HOXB3: variants seen among roughly 807,000 people sequenced by gnomAD.
HOXB3 encodes homeobox B3.
A neutral mutation model predicts 29.2 loss-of-function variants in HOXB3; 17 were observed. That is an observed-to-expected ratio of 0.58 (90% CI 0.40 to 0.87). The LOEUF is 0.87. Among genes scored for constraint, HOXB3 ranks in the 40% least tolerant of loss-of-function variants. HOXB3 has a pLI of 0.00. For missense variants in HOXB3, 637 were observed against 616.3 expected (o/e 1.03, Z -0.35); for synonymous variants, 317 against 285.9 (o/e 1.11, Z -1.10).
intron 3 of HOXB3, 188 bp downstream of exon 3, chr17:48,555,343 A>AGAGAGAGAGAGAGG: frequency 6.6e-6 from 3 of 455,214 alleles, no homozygotes; most frequent in Admixed American, 3.7e-5. Flanking sequence ...AGGGAGAGAG[A>AGAGAGAGAGAGAGG]GAGAGAGAGA....
intron 2 of HOXB3, among the ~76,000 whole-genome samples, chr17:48,562,697 C>A (rs959916880): frequency 2.0e-5 from 3 of 152,202 alleles, no homozygotes; most frequent in African/African-American, 7.2e-5. Context: ...CGCTTCCTCT[C>A]AGATTTCATT....
intron 1 of HOXB3, chr17:48,579,839 G>C (rs781382847): frequency 4.1e-6 from 2 of 492,258 alleles, no homozygotes; most frequent in South Asian, 1.6e-5. Context: ...GGAAAAATAA[G>C]AGCGGAGTGT....
At chr17:48,574,596 T>C (rs1213865300) in intron 1 of HOXB3, 1 of 152,130 alleles carries the variant, frequency 6.6e-6, no homozygotes, top group African/African-American at 2.4e-5. Flanking sequence ...GCCCCGAGCT[T>C]TTTGGAGATG....
Position 48,550,122 on chromosome 17 carries a change from C to T in HOXB3, c.*212G>A, listed in dbSNP as rs904901725. On this transcript the variant is annotated 3_prime_UTR_variant, in exon 5 of 5. Coordinates refer to ENST00000498678, the MANE Select transcript of HOXB3 (RefSeq NM_001384749.1). Reference sequence around the variant, plus strand: ...CTCCAATATGATGTGGATTCCTTTCCGATGGGTTGGCAGGCAGATGGAACA... The same window carrying T: ...CTCCAATATGATGTGGATTCCTTTCTGATGGGTTGGCAGGCAGATGGAACA... The T allele has an allele frequency of 1.2e-5, 7 of 600,600 alleles. No individual in the cohort carries two copies. Among genetic ancestry groups the T allele is most frequent in the Non-Finnish European group, 1.7e-5 (6 of 345,630 alleles). 37.2% of individuals were successfully genotyped at this position (600,600 alleles called of 1,614,324 possible). A position where few individuals can be genotyped will look rare whatever the true frequency, so the allele number is the denominator to read the frequency against.
intron 3 of HOXB3, 23 bp from the exon 4 acceptor site, chr17:48,552,655 CA>C (rs2068811218): frequency 1.8e-6 from 1 of 554,122 alleles, no homozygotes; most frequent in Middle Eastern, 4.8e-4. Context: ...AGAAGAGACA[CA>C]AGGGGGAGAA....
chr17:48,562,763 A>C (rs2069243081), intron 2 of HOXB3, among the ~76,000 whole-genome samples: 1 of 152,206 alleles, frequency 6.6e-6, no homozygotes, highest in South Asian at 2.1e-4. Flanking sequence ...AGGCGAGGAA[A>C]GATAATTCTG....
At chr17:48,561,742 C>G (rs1045243171) in intron 2 of HOXB3, among the ~76,000 whole-genome samples, 1 of 152,182 alleles carries the variant, frequency 6.6e-6, no homozygotes, top group Non-Finnish European at 1.5e-5. Context: ...TTGGGATAGG[C>G]TTGGGAGTTG....
rs369135932 is a variant in HOXB3, at chr17:48,564,660, A to G, written c.-246-9042T>C. On this transcript the variant is annotated intron_variant, in intron 2 of 4. Coordinates refer to ENST00000498678, the MANE Select transcript of HOXB3 (RefSeq NM_001384749.1). ...AACTGACAGGGGCACGGCGAGGCGTAGGGAGCGCCGGGGGCGCCATGGCGG... is the reference window on the plus strand; with the variant it reads ...AACTGACAGGGGCACGGCGAGGCGTGGGGAGCGCCGGGGGCGCCATGGCGG... Among the ~76,000 whole-genome samples, 625 of 152,348 alleles carry G rather than the reference A, an allele frequency of 4.1e-3. 3 individuals carry two copies. Among genetic ancestry groups the G allele is most frequent in the African/African-American group, 0.014 (592 of 41,572 alleles).
chr17:48,572,080 A>T (rs1008323112), intron 2 of HOXB3, among the ~76,000 whole-genome samples: 4 of 152,130 alleles, frequency 2.6e-5, no homozygotes, highest in Admixed American at 2.6e-4. Context: ...CAGCAAACAG[A>T]ATACAGTTTT....
intron 2 of HOXB3, among the ~76,000 whole-genome samples, chr17:48,568,984 C>T (rs1373801665): frequency 1.3e-5 from 2 of 152,038 alleles, no homozygotes; most frequent in Non-Finnish European, 2.9e-5. Context: ...TACCCCAGCC[C>T]GCGGTGTGGC....
chr17:48,562,478 C>G (rs141721721), intron 2 of HOXB3, among the ~76,000 whole-genome samples: 1 of 152,302 alleles, frequency 6.6e-6, no homozygotes, highest in East Asian at 1.9e-4. Context: ...TCCCTACCCC[C>G]AAAGCTGTGC....
At chr17:48,571,988 G>A (rs1361942288) in intron 2 of HOXB3, among the ~76,000 whole-genome samples, 1 of 152,212 alleles carries the variant, frequency 6.6e-6, no homozygotes, top group Non-Finnish European at 1.5e-5. Context: ...GCCAGCGTCT[G>A]TCTGTATCTG....
At chr17:48,574,160 T>A (rs1035463068) in intron 1 of HOXB3, 146 bp from the exon 2 acceptor site, 61 of 382,016 alleles carry the variant, frequency 1.6e-4, no homozygotes, top group East Asian at 3.4e-4. Flanking sequence ...CTTTTTTTTT[T>A]AAATTCTATT....
Position 48,587,849 on chromosome 17 carries a change from G to A in HOXB3, c.-425+2276C>T, listed in dbSNP as rs538682260. On this transcript the variant is annotated intron_variant, in intron 1 of 4. Coordinates refer to ENST00000498678, the MANE Select transcript of HOXB3 (RefSeq NM_001384749.1). ...AAATCAAAATTGAATTGTCCACCGAGTGGTGGCCAGGCTGGCCTCAGAGGG... is the reference window on the plus strand; with the variant it reads ...AAATCAAAATTGAATTGTCCACCGAATGGTGGCCAGGCTGGCCTCAGAGGG... 2.8e-4 allele frequency among the ~76,000 whole-genome samples: 43 copies of A among 152,384 alleles called. No homozygotes were observed. The South Asian group carries it at 8.7e-3, about 31-fold the overall frequency.
At chr17:48,562,518 G>A (rs1418119159) in intron 2 of HOXB3, among the ~76,000 whole-genome samples, 2 of 152,120 alleles carry the variant, frequency 1.3e-5, no homozygotes, top group Admixed American at 6.5e-5. Flanking sequence ...CTCTGCTCTT[G>A]GGAAATGTGT....
At chr17:48,576,425 T>G (rs1597851002) in intron 1 of HOXB3, 5 of 263,702 alleles carry the variant, frequency 1.9e-5, no homozygotes, top group East Asian at 6.0e-5. Flanking sequence ...CTATTTCTCT[T>G]TCTGTCTTTT....
intron 4 of HOXB3, 95 bp downstream of exon 4, chr17:48,551,932 C>T: frequency 8.4e-7 from 1 of 1,188,950 alleles, no homozygotes; most frequent in South Asian, 1.5e-5. Context: ...TGTTCCCAGG[C>T]AGCCTCGCGG....
chr17:48,577,971 GGCT>G, intron 1 of HOXB3: 5 of 1,312,308 alleles, frequency 3.8e-6, no homozygotes, highest in Non-Finnish European at 4.9e-6. Context: ...GGCGGCGGGG[GGCT>G]GCTGCTGACC....
chr17:48,552,761 T>C (rs1567946860), intron 3 of HOXB3, 129 bp from the exon 4 acceptor site: 1 of 380,400 alleles, frequency 2.6e-6, no homozygotes, highest in African/African-American at 2.1e-5. Context: ...CCAAAGCAGA[T>C]GCTGAGAAAA....
Sources: gnomAD v4.1 joint callset for allele counts (sites outside exome capture counted in the v4.1 genomes callset) on GRCh38, gnomAD v4.1.1 for gene constraint, MANE v1.5 for transcripts, NCBI Gene and HGNC (gene_info 2026-07-23, HGNC 2026-07-21) for gene names.